Variants in ABCA12 observed in about 807,000 individuals in gnomAD.
ABCA12 encodes glucosylceramide transporter ABCA12.
A neutral mutation model predicts 293.5 loss-of-function variants in ABCA12; 156 were observed. The ratio of observed to expected loss-of-function variants is 0.53; its 90% CI spans 0.47 to 0.61. ABCA12 has a LOEUF of 0.61. Ranked by LOEUF, ABCA12 falls within the 20% of genes least tolerant of loss-of-function variation. ABCA12 has a pLI of 0.00. For synonymous variants in ABCA12, 1,063 were observed against 1,108.0 expected, an observed-to-expected ratio of 0.96 and a Z score of 0.81; for missense variants, 2,797 against 3,090.2, an observed-to-expected ratio of 0.91 and a Z score of 2.25.
At chr2:215,027,109 C>T (rs940283944) in intron 9 of ABCA12, among the ~76,000 whole-genome samples, 171 bp from the exon 10 acceptor site, 4 of 152,232 alleles carry the variant, frequency 2.6e-5, no homozygotes, top group Admixed American at 2.6e-4. Context: ...CTTCGGGAGG[C>T]CGAGACGAGC....
chr2:215,109,083 G>C (rs567382889), intron 2 of ABCA12, among the ~76,000 whole-genome samples: 5 of 151,110 alleles, frequency 3.3e-5, no homozygotes, highest in East Asian at 1.9e-4. Context: ...AAAAGGAGGC[G>C]GGGGGGCAAG....
At chr2:214,995,534 TAA>T (rs1464275569) in intron 23 of ABCA12, among the ~76,000 whole-genome samples, 1 of 152,162 alleles carries the variant, frequency 6.6e-6, no homozygotes, top group African/African-American at 2.4e-5. Flanking sequence ...GATCTACCAT[TAA>T]CTAGCTCCAA....
chr2:215,086,516 T>C (rs1400263629), intron 2 of ABCA12, among the ~76,000 whole-genome samples: 2 of 152,146 alleles, frequency 1.3e-5, no homozygotes, highest in South Asian at 4.1e-4. Context: ...GTGGCTTGAC[T>C]AGAAATACTG....
chr2:215,119,593 CT>C (rs1350951564), intron 1 of ABCA12, among the ~76,000 whole-genome samples: 1 of 151,924 alleles, frequency 6.6e-6, no homozygotes, highest in Non-Finnish European at 1.5e-5. Context: ...TTTTGTGAGC[CT>C]TGTCAAAGAT....
intron 23 of ABCA12, among the ~76,000 whole-genome samples, chr2:214,992,672 G>A (rs1157146487): frequency 4.0e-5 from 6 of 151,286 alleles, no homozygotes; most frequent in Non-Finnish European, 7.4e-5. Flanking sequence ...CACCAGCCAG[G>A]CCAACATGGC....
intron 2 of ABCA12, among the ~76,000 whole-genome samples, chr2:215,094,043 G>A (rs2970954): frequency 0.75 from 114,347 of 152,184 alleles, 45,759 homozygotes; most frequent in Non-Finnish European, 0.9. Flanking sequence ...CACTCTACCC[G>A]CCTCCACTAC....
At chr2:214,933,778 G>A (rs10208498) in intron 52 of ABCA12, among the ~76,000 whole-genome samples, 63,432 of 151,762 alleles carry the variant, frequency 0.42, 14,759 homozygotes, top group East Asian at 0.64. Flanking sequence ...AGGAAGGAAA[G>A]TGTTAACAGC....
chr2:215,030,962 T>A (rs1700865077), intron 9 of ABCA12, among the ~76,000 whole-genome samples: 3 of 152,228 alleles, frequency 2.0e-5, no homozygotes, highest in Admixed American at 2.0e-4. Flanking sequence ...TTCAATAGTA[T>A]AATTTACAGG....
Position 214,978,950 on chromosome 2 carries a change from C to T in ABCA12, c.4831G>A (p.Asp1611Asn), listed in dbSNP as rs775054797. 1 of 1,613,930 alleles carries T rather than the reference C, an allele frequency of 6.2e-7. No individual in the cohort carries two copies. The highest frequency in any genetic ancestry group is 2.2e-5 in the East Asian group (1 of 44,882). The change falls in exon 32 of 53, where the codon GAT becomes AAT. Residue 1611 changes from aspartate to asparagine, a missense_variant. Around this residue, in one of 3 missense-constraint regions of ABCA12, gnomAD observed 2,130 missense variants for 2,427.0 expected, o/e 0.88. Transcript: ENST00000272895. ...ACATAAACAAGCTCTCCCCCAATAT[C>T]CTCCTTGAGGTAGGCTTCGGGGAGA... ...SHLPEAYLKEDIGGELVYVLP... is the reference protein window; with the variant it reads ...SHLPEAYLKENIGGELVYVLP...
rs1361855220 is a variant in ABCA12, at chr2:214,982,252, G to A, written c.4514C>T (p.Pro1505Leu). Reference protein sequence around the residue: ...GGSRVVILDEPSTGVDPCSRR... With the variant: ...GGSRVVILDELSTGVDPCSRR... ...AGAACATGGGTCAACTCCAGTAGAT[G>A]GTTCATCCAAAATTACTACCCTTGA... is the stretch of plus-strand genomic sequence containing the variant. Residue 1505 changes from proline (P) to leucine (L), a missense_variant, in exon 30 of 53, where the codon CCA becomes CTA. By Grantham distance (98) the Pro-to-Leu change is moderately conservative. Coordinates refer to ENST00000272895, the MANE Select transcript of ABCA12 (RefSeq NM_173076.3). 1 of 1,613,870 alleles carries A rather than the reference G, an allele frequency of 6.2e-7. No individual in the cohort carries two copies. The highest frequency in any genetic ancestry group is 8.5e-7 in the Non-Finnish European group (1 of 1,179,940).
At chr2:215,105,857 T>C (rs1423962893) in intron 2 of ABCA12, among the ~76,000 whole-genome samples, 1 of 152,168 alleles carries the variant, frequency 6.6e-6, no homozygotes, top group Non-Finnish European at 1.5e-5. Flanking sequence ...CTCATGAGAA[T>C]GCAGAAACTG....
At chr2:214,956,929 A>G (rs1469469662) in intron 41 of ABCA12, 151 bp from the exon 42 acceptor site, 1 of 634,756 alleles carries the variant, frequency 1.6e-6, no homozygotes, top group East Asian at 2.9e-5. Context: ...TGCTTCTAAC[A>G]TTCAACTTAT....
intron 9 of ABCA12, among the ~76,000 whole-genome samples, chr2:215,031,187 A>G (rs1410149685): frequency 2.0e-5 from 3 of 152,236 alleles, no homozygotes; most frequent in Admixed American, 1.3e-4. Context: ...ATATATGCCA[A>G]TAAAAGTCCC....
chr2:215,012,000 G>A lies in ABCA12; in HGVS notation c.2092C>T (p.His698Tyr). The A allele has an allele frequency of 1.2e-6, 2 of 1,613,812 alleles. No individual in the cohort carries two copies. The highest frequency in any genetic ancestry group is 1.7e-6 in the Non-Finnish European group (2 of 1,179,898). The part of the protein sequence containing the change: ...LDKMRSLKQM[H>Y]LPRSVPLTQA... ...GTTAATGGAACACTTCTGGGCAGAT[G>A]CATTTGCTTCAGGGATCTCATTTTG... Residue 698 changes from histidine to tyrosine, a missense_variant, in exon 16 of 53, where the codon CAT (histidine) becomes TAT (tyrosine). His to Tyr is a moderately conservative substitution (Grantham distance 83). Coordinates refer to ENST00000272895, the MANE Select transcript of ABCA12 (RefSeq NM_173076.3).
chr2:215,011,384 A>T (rs1242132759), intron 17 of ABCA12, 55 bp downstream of exon 17: 2 of 1,273,498 alleles, frequency 1.6e-6, no homozygotes, highest in East Asian at 4.7e-5. Flanking sequence ...CAGAATAGAC[A>T]GTATTCTTAT....
At chr2:215,111,756 T>A (rs1702575862) in intron 1 of ABCA12, 66 bp from the exon 2 acceptor site, 8 of 1,130,222 alleles carry the variant, frequency 7.1e-6, no homozygotes, top group Non-Finnish European at 1.1e-5. Flanking sequence ...AAAACCTGAC[T>A]ACAAAAAGTA....
In ABCA12 at chr2:215,015,579, T is replaced by A; in HGVS notation, c.1867A>T (p.Asn623Tyr). Residue 623 changes from asparagine (N) to tyrosine (Y), a missense_variant, in exon 15 of 53, where the codon AAC becomes TAC. Coordinates refer to ENST00000272895, the MANE Select transcript of ABCA12 (RefSeq NM_173076.3). ...CGGGATCTCTCTGAAAGAGACAGGT[T>A]GCAGAATTCTTTCATTGCATCTTCT... ...KLEDAMKEFC[N>Y]LSLSERSRQS... 6.2e-7 allele frequency: 1 copy of A among 1,614,062 alleles called. No individual in the cohort carries two copies. The highest frequency in any genetic ancestry group is 8.5e-7 in the Non-Finnish European group (1 of 1,179,904).
intron 6 of ABCA12, 65 bp from the exon 7 acceptor site, chr2:215,046,080 T>C: frequency 6.5e-7 from 1 of 1,538,892 alleles, no homozygotes; most frequent in Non-Finnish European, 8.9e-7. Context: ...CATGGTTTGC[T>C]GTTTTTAAAA....
rs998448520 is a variant in ABCA12, at chr2:214,966,743, C to A, written c.5884+105G>T. 1.3e-5 allele frequency: 13 copies of A among 1,007,302 alleles called. No individual in the cohort carries two copies. The African/African-American group carries it at 1.6e-4, about 12-fold the overall frequency. The allele number at this position is 1,007,302 out of a possible 1,614,324, so 62.4% of individuals were successfully genotyped here. A position where few individuals can be genotyped will look rare whatever the true frequency, so the allele number is the denominator to read the frequency against. On this transcript the variant is annotated intron_variant, in intron 39 of 52. Transcript: ENST00000272895. ...CTTTTAAAGACCTGTGATTTAGATA[C>A]CATAAAATACCTGCCACCTGTGAAG...
Sources: gnomAD v4.1 joint callset for allele counts (sites outside exome capture counted in the v4.1 genomes callset) on GRCh38, gnomAD v4.1.1 for gene constraint, gnomAD v4.1.1 regional missense constraint, MANE v1.5 for transcripts, NCBI Gene and HGNC (gene_info 2026-07-23, HGNC 2026-07-21) for gene names.